DMD: variants seen among roughly 807,000 people sequenced by gnomAD.
The protein encoded by DMD is dystrophin.
Under a neutral mutation model 330.1 loss-of-function variants are expected in DMD, and 63 were observed. That is an observed-to-expected ratio of 0.19 (90% CI 0.16 to 0.24). The LOEUF is 0.24. Ranked by LOEUF, DMD falls within the 10% of genes least tolerant of loss-of-function variation. The pLI is 1.00. For missense variants in DMD, 3,344 were observed against 2,684.1 expected (o/e 1.25, Z -5.43); for synonymous variants, 1,223 against 959.8 (o/e 1.27, Z -5.07).
intron 62 of DMD, among the ~76,000 whole-genome samples, chrX:31,304,819 TTGA>T (rs1295441835): frequency 1.8e-5 from 2 of 110,873 alleles, no homozygotes; most frequent in African/African-American, 6.5e-5. Flanking sequence ...GATGTATATA[TTGA>T]TGATTACAAA....
intron 7 of DMD, among the ~76,000 whole-genome samples, chrX:32,752,338 G>A (rs570617948): frequency 5.4e-5 from 6 of 111,193 alleles, no homozygotes; most frequent in African/African-American, 2.0e-4. Context: ...TGTGAGATAC[G>A]CAGTCAAAGG....
intron 47 of DMD, among the ~76,000 whole-genome samples, chrX:31,891,378 G>T (rs1387941325): frequency 9.0e-6 from 1 of 111,638 alleles, no homozygotes; most frequent in Non-Finnish European, 1.9e-5. Context: ...CAGGGCAAAA[G>T]TCAGGTGCCA....
chrX:32,719,134 C>T (rs773080283), intron 7 of DMD, among the ~76,000 whole-genome samples: 1 of 111,749 alleles, frequency 8.9e-6, no homozygotes, highest in South Asian at 3.7e-4. Flanking sequence ...ACCCATGCAT[C>T]CTCTATCATG....
chrX:32,317,872 G>A (rs1430752049), intron 41 of DMD, among the ~76,000 whole-genome samples: 2 of 107,842 alleles, frequency 1.9e-5, no homozygotes, highest in Non-Finnish European at 3.9e-5. Context: ...TGTTAATGAA[G>A]ATGAAAATAA....
At chrX:32,049,838 GA>G (rs1199318121) in intron 44 of DMD, among the ~76,000 whole-genome samples, 1 of 111,388 alleles carries the variant, frequency 9.0e-6, no homozygotes, top group African/African-American at 3.3e-5. Flanking sequence ...CAGGAAGGAA[GA>G]TTTTTTTTCA....
At position 32,728,850 on chromosome X, in the gene DMD, T is replaced by A. The variant is rs187898898; in HGVS notation, c.650-29557A>T. Among the ~76,000 whole-genome samples, 470 of 112,075 alleles carry A rather than the reference T, an allele frequency of 4.2e-3. 1 individual carries two copies. The highest frequency in any genetic ancestry group is 0.013 in the African/African-American group (411 of 30,895). ...CACAGTTCTTAAACTGAAGAAGGCC[T>A]GACGTTGGCCATAGCCACTTAAACA... is the stretch of plus-strand genomic sequence containing the variant. On this transcript the variant is annotated intron_variant, in intron 7 of 78. Transcript: ENST00000357033.
chrX:32,507,758 C>T (rs765025553), intron 18 of DMD, among the ~76,000 whole-genome samples: 1 of 111,501 alleles, frequency 9.0e-6, no homozygotes, highest in Non-Finnish European at 1.9e-5. Context: ...AGTTTATGTA[C>T]ATAATTTCCA....
chrX:31,749,315 C>G (rs1299220252), intron 51 of DMD, among the ~76,000 whole-genome samples: 2 of 82,416 alleles, frequency 2.4e-5, no homozygotes, highest in Non-Finnish European at 4.6e-5. Flanking sequence ...CACAACAGTC[C>G]CCAGAGTGTG....
intron 7 of DMD, among the ~76,000 whole-genome samples, chrX:32,759,465 C>T (rs561834026): frequency 5.4e-5 from 6 of 111,476 alleles, no homozygotes; most frequent in African/African-American, 2.0e-4. Context: ...TCTTTCCTAG[C>T]TTAATCCTTT....
At chrX:31,482,242 G>GT (rs917419499) in intron 57 of DMD, among the ~76,000 whole-genome samples, 5 of 102,803 alleles carry the variant, frequency 4.9e-5, no homozygotes, top group African/African-American at 1.8e-4. Flanking sequence ...TGTGTGGGGG[G>GT]GGTGTTCTGT....
At chrX:32,501,730 T>A in intron 19 of DMD, 25 bp downstream of exon 19, 1 of 1,121,718 alleles carries the variant, frequency 8.9e-7, no homozygotes, top group Non-Finnish European at 1.2e-6. Flanking sequence ...CTAAGAAGAT[T>A]ATCTAAATCA....
chrX:32,735,227 C>T (rs868666432), intron 7 of DMD, among the ~76,000 whole-genome samples: 2,328 of 108,420 alleles, frequency 0.021, 81 homozygotes, highest in African/African-American at 0.074. Flanking sequence ...AGGACCTCTT[C>T]GAGGAGAACT....
At chrX:31,965,197 T>G (rs1341080942) in intron 45 of DMD, among the ~76,000 whole-genome samples, 2 of 111,413 alleles carry the variant, frequency 1.8e-5, no homozygotes, top group Non-Finnish European at 3.8e-5. Flanking sequence ...AAGGAGTGTA[T>G]GAAGATAGTG....
chrX:33,206,795 G>A (rs1365967208), intron 1 of DMD, among the ~76,000 whole-genome samples: 1 of 111,515 alleles, frequency 9.0e-6, no homozygotes, highest in Non-Finnish European at 1.9e-5. Flanking sequence ...AAAAGAGGGA[G>A]TACTGATCTT....
chrX:31,142,769 A>G (rs183552076), intron 76 of DMD, among the ~76,000 whole-genome samples: 3 of 112,385 alleles, frequency 2.7e-5, no homozygotes, highest in African/African-American at 9.7e-5. Flanking sequence ...GGGGATAAAC[A>G]TTGTTAATTG....
At chrX:32,809,460 C>T (rs2077185538) in intron 7 of DMD, 33 bp downstream of exon 7, 4 of 1,100,498 alleles carry the variant, frequency 3.6e-6, no homozygotes, top group East Asian at 6.0e-5. Flanking sequence ...CTCTACCATA[C>T]TAAAAGCAGT....
At chrX:31,775,559 T>C (rs1330942484) in intron 50 of DMD, among the ~76,000 whole-genome samples, 1 of 111,375 alleles carries the variant, frequency 9.0e-6, no homozygotes, top group Non-Finnish European at 1.9e-5. Flanking sequence ...GAGCATAATA[T>C]AACCAGAAGA....
At chrX:32,613,479 G>A (rs2057330558) in intron 12 of DMD, among the ~76,000 whole-genome samples, 1 of 110,676 alleles carries the variant, frequency 9.0e-6, no homozygotes, top group Non-Finnish European at 1.9e-5. Flanking sequence ...AGCATAACTG[G>A]AAATGTACAA....
At chrX:31,761,713 T>C (rs1228264593) in intron 51 of DMD, among the ~76,000 whole-genome samples, 5 of 112,394 alleles carry the variant, frequency 4.4e-5, no homozygotes, top group African/African-American at 1.6e-4. Flanking sequence ...AACATAAAAA[T>C]ATTCAGAGGC....
Sources: gnomAD v4.1 joint callset for allele counts (sites outside exome capture counted in the v4.1 genomes callset) on GRCh38, gnomAD v4.1.1 for gene constraint, MANE v1.5 for transcripts, NCBI Gene and HGNC (gene_info 2026-07-23, HGNC 2026-07-21) for gene names.